GRID2: variants seen among roughly 807,000 people sequenced by gnomAD.
GRID2 encodes glutamate ionotropic receptor delta type subunit 2, also known as glutamate receptor ionotropic, delta-2.
Under a neutral mutation model 114.8 loss-of-function variants are expected in GRID2, and 33 were observed. The ratio of observed to expected loss-of-function variants is 0.29; its 90% CI spans 0.22 to 0.38. The LOEUF (loss-of-function observed/expected upper bound fraction) is 0.38. Among genes scored for constraint, GRID2 ranks in the 10% least tolerant of loss-of-function variants. The pLI is 1.00. For synonymous variants in GRID2, 505 were observed against 449.9 expected (o/e 1.12, Z -1.55); for missense variants, 1,184 against 1,257.7 (o/e 0.94, Z 0.89).
intron 1 of GRID2, among the ~76,000 whole-genome samples, chr4:92,472,766 G>A (rs1417613024): frequency 6.6e-6 from 1 of 151,868 alleles, no homozygotes; most frequent in African/African-American, 2.4e-5. Flanking sequence ...CTTAAAATTG[G>A]GTTGTTTGTA....
intron 8 of GRID2, among the ~76,000 whole-genome samples, chr4:93,314,001 A>G (rs1756302688): frequency 2.0e-5 from 3 of 152,110 alleles, no homozygotes; most frequent in African/African-American, 7.2e-5. Flanking sequence ...TCTTGGAACT[A>G]TTGTATAAGA....
At chr4:93,371,731 A>G (rs1431682018) in intron 8 of GRID2, among the ~76,000 whole-genome samples, 1 of 149,262 alleles carries the variant, frequency 6.7e-6, no homozygotes, top group African/African-American at 2.5e-5. Flanking sequence ...TATATACATA[A>G]TCACTATTTC....
intron 13 of GRID2, among the ~76,000 whole-genome samples, chr4:93,598,878 C>G (rs1299011710): frequency 6.6e-6 from 1 of 152,096 alleles, no homozygotes; most frequent in Non-Finnish European, 1.5e-5. Context: ...AATGTGCCTT[C>G]ATATTGAGTA....
intron 13 of GRID2, among the ~76,000 whole-genome samples, chr4:93,558,396 A>C (rs752684279): frequency 3.6e-4 from 55 of 152,356 alleles, no homozygotes; most frequent in Non-Finnish European, 7.6e-4. Context: ...AAAAAATGAT[A>C]AAGGGGATAT....
chr4:93,799,260 T>A (rs1734869884), intron 1 of GRID2, among the ~76,000 whole-genome samples: 1 of 152,162 alleles, frequency 6.6e-6, no homozygotes, highest in Non-Finnish European at 1.5e-5. Flanking sequence ...CTAAATTGAT[T>A]CTTTCAGCAG....
At position 92,583,895 on chromosome 4, in the gene GRID2, ATG is replaced by A. The variant is rs916814260; in HGVS notation, c.89-6232_89-6231del. ...TACACATATGCATATGTGCATATAT[ATG>A]TGTATATATTTATATACACATATAT... On this transcript the variant is annotated intron_variant, in intron 1 of 15. Transcript: ENST00000282020. Among the ~76,000 whole-genome samples, 35 of 142,618 alleles carry A rather than the reference ATG, an allele frequency of 2.5e-4. 1 individual carries two copies. The highest frequency in any genetic ancestry group is 9.0e-4 in the African/African-American group (34 of 37,986). The allele number at this position is 142,618 out of a possible 152,430, so 93.6% of individuals were successfully genotyped here. A position where few individuals can be genotyped will look rare whatever the true frequency, so the allele number is the denominator to read the frequency against.
rs180771888 is a variant in GRID2 at position 92,936,373 on chromosome 4, G to A, written c.245-148622G>A. On this transcript the variant is annotated intron_variant, in intron 2 of 15. Transcript: ENST00000282020. ...AGATTCGTTTGTAAATATAAATCACGCCATTAATTATACTGCCTAATTCAT... is the reference window on the plus strand; with the variant it reads ...AGATTCGTTTGTAAATATAAATCACACCATTAATTATACTGCCTAATTCAT... Among the ~76,000 whole-genome samples the A allele has an allele frequency of 6.8e-4, 100 of 146,502 alleles. 21 individuals carry two copies. The East Asian group carries it at 0.017, about 25-fold the overall frequency.
rs1283646578 is a variant in GRID2 at position 93,006,668 on chromosome 4, G to GT, written c.245-78318dup. Among the ~76,000 whole-genome samples the GT allele has an allele frequency of 2.0e-3, 294 of 149,886 alleles. 1 individual carries two copies. Among genetic ancestry groups the GT allele is most frequent in the Admixed American group, 5.2e-3 (78 of 14,982 alleles). ...TATAAAAACACCCCCAATTAAATAAGTTTTTTTTTCATTAACTACACAAGA... is the reference window on the plus strand; with the variant it reads ...TATAAAAACACCCCCAATTAAATAAGTTTTTTTTTTCATTAACTACACAAGA... On this transcript the variant is annotated intron_variant, in intron 2 of 15. Coordinates refer to ENST00000282020, the MANE Select transcript of GRID2 (RefSeq NM_001510.4).
At chr4:92,848,233 T>C (rs75572258) in intron 2 of GRID2, among the ~76,000 whole-genome samples, 6 of 147,922 alleles carry the variant, frequency 4.1e-5, no homozygotes, top group Non-Finnish European at 9.0e-5. Context: ...TTTTTTTTTT[T>C]CACAGAGATC....
intron 2 of GRID2, among the ~76,000 whole-genome samples, chr4:92,824,145 C>T (rs1185038767): frequency 1.3e-5 from 2 of 152,208 alleles, no homozygotes; most frequent in East Asian, 3.9e-4. Flanking sequence ...GGAGTTTGAC[C>T]TGTAGGCTAA....
At chr4:92,700,492 T>G (rs570167149) in intron 2 of GRID2, among the ~76,000 whole-genome samples, 1 of 152,214 alleles carries the variant, frequency 6.6e-6, no homozygotes, top group Non-Finnish European at 1.5e-5. Context: ...ATGTGCATAG[T>G]AGGCATTTTA....
At position 93,252,708 on chromosome 4, in the gene GRID2, GT is replaced by G. The variant is rs1341093830; in HGVS notation, c.1245+14223del. Reference sequence around the variant, plus strand: ...TTCTTTCTATCCATGAGCATGGAATGTTTTTCCATTTATTTGTGTCATCTCT... The same window carrying G: ...TTCTTTCTATCCATGAGCATGGAATGTTTTCCATTTATTTGTGTCATCTCT... On this transcript the variant is annotated intron_variant, in intron 8 of 15. Transcript: ENST00000282020. Among the ~76,000 whole-genome samples the G allele has an allele frequency of 3.9e-5, 6 of 152,208 alleles. No individual in the cohort carries two copies. The East Asian group carries it at 1.2e-3, about 29-fold the overall frequency.
chr4:92,634,879 A>AAAGAG (rs1730995205), intron 2 of GRID2, among the ~76,000 whole-genome samples: 1 of 135,666 alleles, frequency 7.4e-6, no homozygotes, highest in African/African-American at 2.7e-5. Context: ...GAGAGAGAGA[A>AAAGAG]AGAGAGAGAG....
chr4:92,964,028 T>C (rs547994321), intron 2 of GRID2, among the ~76,000 whole-genome samples: 3 of 152,166 alleles, frequency 2.0e-5, no homozygotes, highest in African/African-American at 7.2e-5. Flanking sequence ...TTCGCAGCAG[T>C]GGCCTTAAAA....
intron 2 of GRID2, among the ~76,000 whole-genome samples, chr4:93,081,309 A>AT (rs1470158658): frequency 2.0e-5 from 3 of 152,184 alleles, no homozygotes; most frequent in Non-Finnish European, 4.4e-5. Flanking sequence ...GAGGTAATAA[A>AT]TTTTTTAACT....
At chr4:93,089,194 T>C (rs868754542) in intron 3 of GRID2, among the ~76,000 whole-genome samples, 2 of 152,134 alleles carry the variant, frequency 1.3e-5, no homozygotes, top group South Asian at 2.1e-4. Flanking sequence ...TTTAACATTA[T>C]AGATATAAGA....
intron 4 of GRID2, among the ~76,000 whole-genome samples, chr4:93,193,611 C>T (rs1027365975): frequency 5.3e-5 from 8 of 152,278 alleles, no homozygotes; most frequent in Admixed American, 2.0e-4. Context: ...GTAAATTACC[C>T]AGTCTCAAGT....
rs541453142 is a variant in GRID2 at position 93,666,549 on chromosome 4, A to G, written c.2360+40114A>G. Among the ~76,000 whole-genome samples, 13 of 152,180 alleles carry G rather than the reference A, an allele frequency of 8.5e-5. No individual in the cohort carries two copies. The East Asian group carries it at 2.5e-3, about 29-fold the overall frequency. ...AGTGCCTTCCTGTGGAAGCCATTCT[A>G]TAAACACTGTTGAATTAATTACATG... On this transcript the variant is annotated intron_variant, in intron 14 of 15. Transcript: ENST00000282020.
chr4:92,454,225 G>GT (rs1229730472), intron 1 of GRID2, among the ~76,000 whole-genome samples: 2 of 152,060 alleles, frequency 1.3e-5, no homozygotes, highest in Non-Finnish European at 2.9e-5. Flanking sequence ...AGATTTGTAT[G>GT]TTTTTTCCAC....
Sources: allele counts gnomAD v4.1 joint callset (sites outside exome capture counted in the v4.1 genomes callset), GRCh38; gene constraint gnomAD v4.1.1; transcripts MANE v1.5; gene names NCBI Gene and HGNC (gene_info 2026-07-23, HGNC 2026-07-21).